MICU1: variants seen among roughly 807,000 people sequenced by gnomAD.
MICU1 encodes calcium uptake protein 1, mitochondrial.
MICU1 carries 45 observed loss-of-function variants against 56.8 expected under a neutral mutation model. The observed-to-expected ratio is 0.79, with a 90% CI of 0.62 to 1.02. The LOEUF is 1.02. Ranked by LOEUF, MICU1 falls within the 50% of genes least tolerant of loss-of-function variation. The probability of loss-of-function intolerance (pLI) is 0.00; values close to 1 mark genes in which losing one functional copy is unlikely to be tolerated. For missense variants in MICU1, 504 were observed against 587.1 expected, an observed-to-expected ratio of 0.86 and a Z score of 1.46; for synonymous variants, 186 against 195.1, an observed-to-expected ratio of 0.95 and a Z score of 0.39.
intron 10 of MICU1, among the ~76,000 whole-genome samples, chr10:72,386,677 C>T (rs879257060): frequency 6.6e-5 from 10 of 151,534 alleles, no homozygotes; most frequent in Admixed American, 2.6e-4. Flanking sequence ...CTCCTGCCTC[C>T]GCCTCCTAAG....
At chr10:72,459,197 G>T (rs1402100887) in intron 8 of MICU1, among the ~76,000 whole-genome samples, 1 of 152,090 alleles carries the variant, frequency 6.6e-6, no homozygotes, top group Non-Finnish European at 1.5e-5. Flanking sequence ...TGGGTGTGGT[G>T]GCGCATGTCT....
At chr10:72,385,693 C>T (rs1862864298) in intron 10 of MICU1, among the ~76,000 whole-genome samples, 2 of 152,178 alleles carry the variant, frequency 1.3e-5, no homozygotes, top group Admixed American at 1.3e-4. Flanking sequence ...AGTATTTCCA[C>T]CCTCTGGTCC....
intron 8 of MICU1, among the ~76,000 whole-genome samples, chr10:72,442,112 C>T (rs1332517833): frequency 1.3e-5 from 2 of 152,140 alleles, no homozygotes; most frequent in African/African-American, 4.8e-5. Flanking sequence ...TAGTCATCAG[C>T]TCCCTAAAAT....
intron 1 of MICU1, among the ~76,000 whole-genome samples, chr10:72,576,511 A>G (rs539738851): frequency 6.6e-6 from 1 of 152,326 alleles, no homozygotes; most frequent in South Asian, 2.1e-4. Context: ...ACTCTCTTCA[A>G]TTATATGAAA....
chr10:72,618,184 C>A (rs1842026597), intron 1 of MICU1, among the ~76,000 whole-genome samples: 1 of 149,864 alleles, frequency 6.7e-6, no homozygotes, highest in Non-Finnish European at 1.5e-5. Context: ...AAAAAAAAAA[C>A]TACCAGTTTG....
intron 6 of MICU1, among the ~76,000 whole-genome samples, chr10:72,478,418 T>A (rs1438592638): frequency 6.6e-6 from 1 of 152,190 alleles, no homozygotes; most frequent in Non-Finnish European, 1.5e-5. Context: ...CTAAATGTTC[T>A]GGTAAAGAAA....
chr10:72,611,479 G>A (rs1841847682), intron 1 of MICU1, among the ~76,000 whole-genome samples: 1 of 151,842 alleles, frequency 6.6e-6, no homozygotes. Context: ...AAATTAGCTG[G>A]GTGTGGTGGT....
At chr10:72,474,676 T>C (rs1866058639) in intron 8 of MICU1, among the ~76,000 whole-genome samples, 1 of 152,186 alleles carries the variant, frequency 6.6e-6, no homozygotes, top group South Asian at 2.1e-4. Context: ...TATTTTATAT[T>C]AAGCACACAT....
At chr10:72,373,289 C>T (rs1157947185) in intron 11 of MICU1, among the ~76,000 whole-genome samples, 3 of 151,722 alleles carry the variant, frequency 2.0e-5, no homozygotes, top group African/African-American at 7.3e-5. Context: ...AAGTGATCCT[C>T]ACACCTCAGC....
chr10:72,580,096 T>C (rs1309644130), intron 1 of MICU1, among the ~76,000 whole-genome samples: 1 of 152,222 alleles, frequency 6.6e-6, no homozygotes, highest in Non-Finnish European at 1.5e-5. Context: ...ATAATCTTTA[T>C]TTTTCAAGAG....
chr10:72,533,085 T>C, intron 5 of MICU1: 1 of 1,289,942 alleles, frequency 7.8e-7, no homozygotes, highest in Non-Finnish European at 1.0e-6. Flanking sequence ...TCTGAAGTGC[T>C]TTCTTCCTCC....
At position 72,368,162 on chromosome 10, in the gene MICU1, G is replaced by T. The variant is rs185214158; in HGVS notation, c.*33C>A. 4 of 1,595,264 alleles carry T rather than the reference G, an allele frequency of 2.5e-6. No homozygotes were observed. The highest frequency in any genetic ancestry group is 3.4e-6 in the Non-Finnish European group (4 of 1,167,624). On this transcript the variant is annotated 3_prime_UTR_variant, in exon 12 of 12. Coordinates refer to ENST00000361114, the MANE Select transcript of MICU1 (RefSeq NM_001195518.2). The stretch of plus-strand genomic sequence containing the variant: ...CTCTGCGGAGGGGGTCCAGGGTACT[G>T]GGGGTGGAGGGGTCCCCTCTTGCAG...
At chr10:72,589,254 A>G (rs1180790689) in intron 1 of MICU1, among the ~76,000 whole-genome samples, 2 of 151,416 alleles carry the variant, frequency 1.3e-5, no homozygotes, top group East Asian at 1.9e-4. Flanking sequence ...GCGTCACTGC[A>G]CTCCAGCCTG....
intron 2 of MICU1, among the ~76,000 whole-genome samples, chr10:72,565,704 C>T (rs765483623): frequency 1.3e-5 from 2 of 151,584 alleles, no homozygotes; most frequent in Non-Finnish European, 2.9e-5. Flanking sequence ...GTGGTGCACA[C>T]CTATAATCCC....
At chr10:72,435,598 C>T (rs551101766) in intron 8 of MICU1, among the ~76,000 whole-genome samples, 1 of 152,226 alleles carries the variant, frequency 6.6e-6, no homozygotes, top group East Asian at 1.9e-4. Flanking sequence ...GTCACCTCAC[C>T]TGGGAAGTGC....
At position 72,562,895 on chromosome 10, in the gene MICU1, T is replaced by C. The variant is rs1444367445; in HGVS notation, c.330A>G (p.Lys110=). 2 of 1,586,246 alleles carry C rather than the reference T, an allele frequency of 1.3e-6. No individual in the cohort carries two copies. The highest frequency in any genetic ancestry group is 4.5e-5 in the East Asian group (2 of 44,494). ...KKKRSGFRDR[K]VMEYENRIRA... ...CAACTTATAAGACTATGTTTCATAC[T>C]TTTCTGTCTCTGAATCCAGAACGTT... Residue 110 remains lysine (K), a splice_region_variant and synonymous_variant, in exon 3 of 12, where the codon AAA becomes AAG. Transcript: ENST00000361114.
intron 4 of MICU1, among the ~76,000 whole-genome samples, chr10:72,541,137 T>C (rs1465062737): frequency 6.6e-6 from 1 of 152,230 alleles, no homozygotes; most frequent in East Asian, 1.9e-4. Flanking sequence ...AGGCTAGCTG[T>C]CCTTACTCAT....
chr10:72,537,828 C>T (rs2132419117), intron 4 of MICU1, among the ~76,000 whole-genome samples: 1 of 152,120 alleles, frequency 6.6e-6, no homozygotes, highest in Non-Finnish European at 1.5e-5. Flanking sequence ...TCAGAGTGAA[C>T]ATTTAAAAGA....
intron 10 of MICU1, among the ~76,000 whole-genome samples, chr10:72,392,722 A>C (rs886653211): frequency 1.3e-5 from 2 of 152,238 alleles, no homozygotes; most frequent in Non-Finnish European, 2.9e-5. Flanking sequence ...CTCTTTTCTA[A>C]GATTCATCTC....
Sources: allele counts gnomAD v4.1 joint callset (sites outside exome capture counted in the v4.1 genomes callset), GRCh38; gene constraint gnomAD v4.1.1; transcripts MANE v1.5; gene names NCBI Gene and HGNC (gene_info 2026-07-23, HGNC 2026-07-21).